CDH10: variants seen among roughly 807,000 people sequenced by gnomAD.
CDH10 encodes the protein cadherin 10, also known as cadherin-10.
CDH10 carries 30 observed loss-of-function variants against 73.1 expected under a neutral mutation model. The ratio of observed to expected loss-of-function variants is 0.41; its 90% CI spans 0.31 to 0.56. The LOEUF is 0.56. Among genes scored for constraint, CDH10 ranks in the 20% least tolerant of loss-of-function variants. The pLI, the probability that CDH10 is intolerant of heterozygous loss-of-function variation, is 0.27. For missense variants in CDH10, 815 were observed against 973.7 expected (o/e 0.84, Z 2.17); for synonymous variants, 345 against 348.2 (o/e 0.99, Z 0.10).
intron 2 of CDH10, among the ~76,000 whole-genome samples, chr5:24,560,584 T>G (rs954064130): frequency 6.6e-6 from 1 of 152,106 alleles, no homozygotes; most frequent in Admixed American, 6.6e-5. Flanking sequence ...CTAATTTTGA[T>G]TCTCAAATTA....
At chr5:24,512,606 A>G (rs1031275817) in intron 5 of CDH10, among the ~76,000 whole-genome samples, 2 of 152,204 alleles carry the variant, frequency 1.3e-5, no homozygotes, top group Non-Finnish European at 2.9e-5. Flanking sequence ...GAAAACACTC[A>G]ATACTGACAA....
Position 24,510,304 on chromosome 5 carries a change from C to A in CDH10, c.1003-485G>T, listed in dbSNP as rs185429907. 1.8e-3 allele frequency among the ~76,000 whole-genome samples: 277 copies of A among 152,170 alleles called. 3 individuals carry two copies. The highest frequency in any genetic ancestry group is 6.8e-3 in the Admixed American group (104 of 15,286). ...ATCTTGGAGACTAATATACAACTTT[C>A]AAGTTATGTCCAATATTCAAGATAA... is the stretch of plus-strand genomic sequence containing the variant. On this transcript the variant is annotated intron_variant, in intron 6 of 11. Transcript: ENST00000264463.
chr5:24,566,431 G>C (rs980812644), intron 2 of CDH10, among the ~76,000 whole-genome samples: 1 of 152,090 alleles, frequency 6.6e-6, no homozygotes, highest in Non-Finnish European at 1.5e-5. Flanking sequence ...CAAAATACTT[G>C]GAGAATAAAA....
chr5:24,612,230 GGTATCA>G (rs1218166351), intron 1 of CDH10: 1 of 150,692 alleles, frequency 6.6e-6, no homozygotes, highest in Admixed American at 6.6e-5. Flanking sequence ...TTTAGCAAAA[GGTATCA>G]GTTGCTTATG....
chr5:24,518,514 T>A (rs1025510791), intron 5 of CDH10, among the ~76,000 whole-genome samples: 1 of 152,114 alleles, frequency 6.6e-6, no homozygotes, highest in African/African-American at 2.4e-5. Flanking sequence ...TGTGGATATA[T>A]AATGGACAGT....
intron 2 of CDH10, among the ~76,000 whole-genome samples, chr5:24,590,722 T>C (rs533031774): frequency 1.7e-4 from 26 of 152,176 alleles, no homozygotes; most frequent in African/African-American, 6.3e-4. Context: ...TTTCTTCTGC[T>C]CCACACAGGT....
At chr5:24,497,632 T>G (rs1354487445) in intron 9 of CDH10, among the ~76,000 whole-genome samples, 1 of 152,224 alleles carries the variant, frequency 6.6e-6, no homozygotes, top group African/African-American at 2.4e-5. Context: ...TCAAATAATG[T>G]CAAAACATAA....
intron 2 of CDH10, among the ~76,000 whole-genome samples, chr5:24,553,633 T>C (rs1054320057): frequency 6.6e-6 from 1 of 152,296 alleles, no homozygotes; most frequent in East Asian, 1.9e-4. Context: ...TTTTGTATTA[T>C]ATATGTAGCA....
intron 1 of CDH10, among the ~76,000 whole-genome samples, chr5:24,617,966 A>G (rs1247947415): frequency 6.6e-6 from 1 of 152,172 alleles, no homozygotes; most frequent in Non-Finnish European, 1.5e-5. Context: ...TTTACATATC[A>G]GTGTCAAAAA....
At chr5:24,530,156 T>A (rs528442872) in intron 5 of CDH10, among the ~76,000 whole-genome samples, 2 of 151,528 alleles carry the variant, frequency 1.3e-5, no homozygotes, top group African/African-American at 4.8e-5. Context: ...CTTTTTTTTT[T>A]CCTTGAATAG....
intron 2 of CDH10, among the ~76,000 whole-genome samples, chr5:24,564,743 G>A (rs1745106305): frequency 6.6e-6 from 1 of 152,086 alleles, no homozygotes; most frequent in Non-Finnish European, 1.5e-5. Flanking sequence ...AAGAATACTT[G>A]TTACAATGAT....
At chr5:24,496,370 G>C (rs2111671245) in intron 9 of CDH10, among the ~76,000 whole-genome samples, 1 of 152,248 alleles carries the variant, frequency 6.6e-6, no homozygotes, top group South Asian at 2.1e-4. Flanking sequence ...AAAACAGCTA[G>C]CCCTCTGTCC....
At chr5:24,538,855 A>G (rs1744054145) in intron 2 of CDH10, among the ~76,000 whole-genome samples, 1 of 152,108 alleles carries the variant, frequency 6.6e-6, no homozygotes, top group African/African-American at 2.4e-5. Flanking sequence ...GGCCACAGGA[A>G]GAACAGATCT....
chr5:24,529,949 T>C (rs1743670870), intron 5 of CDH10, among the ~76,000 whole-genome samples: 2 of 151,944 alleles, frequency 1.3e-5, no homozygotes, highest in South Asian at 4.2e-4. Flanking sequence ...CTGCTTTCCT[T>C]GACTTTTGTC....
chr5:24,552,931 T>C (rs1373168925), intron 2 of CDH10, among the ~76,000 whole-genome samples: 1 of 152,082 alleles, frequency 6.6e-6, no homozygotes, highest in African/African-American at 2.4e-5. Context: ...GATTCAAACT[T>C]TGTTTAGAGC....
intron 2 of CDH10, among the ~76,000 whole-genome samples, chr5:24,547,686 A>G (rs772053560): frequency 6.6e-6 from 1 of 152,156 alleles, no homozygotes; most frequent in East Asian, 1.9e-4. Flanking sequence ...CTTAGATTCA[A>G]TTTTGTTTTT....
chr5:24,511,327 C>A lies in CDH10; in HGVS notation c.1002G>T (p.Lys334Asn). 6.3e-7 allele frequency: 1 copy of A among 1,596,910 alleles called. No homozygotes were observed. The highest frequency in any genetic ancestry group is 8.6e-7 in the Non-Finnish European group (1 of 1,165,390). The change falls in exon 6 of 12, where the codon AAG becomes AAT. Residue 334 changes from lysine to asparagine, a missense_variant and splice_region_variant. Transcript: ENST00000264463. The stretch of plus-strand genomic sequence containing the variant: ...GCTTATTTATATGGATGCTGTGCAC[C>A]TTTTTCACAGTGATGATGCCTTCCT... ...DTQEGIITVK[K>N]PLDYESRRLY...
At chr5:24,541,122 T>C (rs369609039) in intron 2 of CDH10, among the ~76,000 whole-genome samples, 12 of 152,076 alleles carry the variant, frequency 7.9e-5, no homozygotes, top group Middle Eastern at 3.4e-3. Flanking sequence ...ACTTGGGGAA[T>C]AGCTCCTCTT....
intron 2 of CDH10, among the ~76,000 whole-genome samples, chr5:24,588,249 CTCT>C (rs1746087739): frequency 6.6e-6 from 1 of 152,126 alleles, no homozygotes; most frequent in Admixed American, 6.5e-5. Context: ...ATGCATTTAT[CTCT>C]TCATGTCCTA....
Sources: gnomAD v4.1 joint callset for allele counts (sites outside exome capture counted in the v4.1 genomes callset) on GRCh38, gnomAD v4.1.1 for gene constraint, MANE v1.5 for transcripts, NCBI Gene and HGNC (gene_info 2026-07-23, HGNC 2026-07-21) for gene names.